CTNNA2: variants seen among roughly 807,000 people sequenced by gnomAD.
CTNNA2 encodes catenin alpha 2, also known as catenin alpha-2.
CTNNA2 carries 42 observed loss-of-function variants against 101.0 expected under a neutral mutation model. The observed-to-expected ratio is 0.42, with a 90% confidence interval of 0.32 to 0.54. The LOEUF (loss-of-function observed/expected upper bound fraction) is 0.54, where lower values mean the gene tolerates loss of function less well. Among genes scored for constraint, CTNNA2 ranks in the 20% least tolerant of loss-of-function variants. The pLI is 0.14. For missense variants in CTNNA2, 871 were observed against 1,223.1 expected (o/e 0.71, Z 4.29); for synonymous variants, 450 against 456.4 (o/e 0.99, Z 0.18).
chr2:80,378,926 G>A (rs1676246299), intron 7 of CTNNA2: 2 of 151,332 alleles, frequency 1.3e-5, no homozygotes, highest in Non-Finnish European at 2.9e-5. Flanking sequence ...TAGGCTCTGG[G>A]GTCAGGGAGA....
chr2:80,153,817 A>G, intron 7 of CTNNA2, among the ~76,000 whole-genome samples: 1 of 152,370 alleles, frequency 6.6e-6, no homozygotes, highest in African/African-American at 2.4e-5. Context: ...TGAGATGTAC[A>G]GAGCATTGGA....
intron 1 of CTNNA2, among the ~76,000 whole-genome samples, chr2:79,192,587 A>G (rs1408142606): frequency 2.0e-5 from 3 of 152,210 alleles, no homozygotes; most frequent in African/African-American, 7.2e-5. Context: ...TGAGATAGCA[A>G]AATATAAGAC....
chr2:79,538,738 G>A (rs953982392), intron 1 of CTNNA2, among the ~76,000 whole-genome samples: 6 of 152,146 alleles, frequency 3.9e-5, no homozygotes, highest in African/African-American at 1.4e-4. Flanking sequence ...AGAAGGCTGG[G>A]AACAGATTTT....
intron 9 of CTNNA2, among the ~76,000 whole-genome samples, chr2:80,510,936 T>C (rs940735746): frequency 3.3e-5 from 5 of 149,892 alleles, no homozygotes; most frequent in Non-Finnish European, 5.9e-5. Context: ...GACTCTGCTC[T>C]TTGTTATTTA....
At chr2:79,718,824 G>GTT (rs759268135) in intron 2 of CTNNA2, among the ~76,000 whole-genome samples, 6,562 of 140,182 alleles carry the variant, frequency 0.047, 169 homozygotes, top group South Asian at 0.094. Context: ...TTTCCCACTT[G>GTT]TTTTTTTTTT....
chr2:80,272,337 T>C (rs1226179114), intron 7 of CTNNA2, among the ~76,000 whole-genome samples: 1 of 152,244 alleles, frequency 6.6e-6, no homozygotes, highest in Non-Finnish European at 1.5e-5. Flanking sequence ...CCGTTCCATC[T>C]GTTAGCCAAA....
At chr2:80,214,618 C>G (rs998117447) in intron 7 of CTNNA2, among the ~76,000 whole-genome samples, 8 of 152,114 alleles carry the variant, frequency 5.3e-5, no homozygotes, top group African/African-American at 1.9e-4. Flanking sequence ...GTGGGTAACC[C>G]GACCTCTCTC....
chr2:79,259,599 T>C (rs1396372092), intron 2 of CTNNA2, among the ~76,000 whole-genome samples: 3 of 152,068 alleles, frequency 2.0e-5, no homozygotes, highest in Non-Finnish European at 4.4e-5. Flanking sequence ...CTGCAGGAGA[T>C]AGGGTACAGG....
chr2:79,894,779 T>G (rs953521383), intron 6 of CTNNA2, among the ~76,000 whole-genome samples: 1 of 152,228 alleles, frequency 6.6e-6, no homozygotes, highest in Non-Finnish European at 1.5e-5. Context: ...ATTGTTCTGT[T>G]TTTTGTTTCT....
chr2:79,570,484 G>C (rs1189235068), intron 1 of CTNNA2, among the ~76,000 whole-genome samples: 2 of 151,934 alleles, frequency 1.3e-5, no homozygotes, highest in African/African-American at 4.8e-5. Context: ...TTTAGATAAG[G>C]GAATTAAGAA....
chr2:80,079,685 G>A (rs1377686683), intron 7 of CTNNA2, among the ~76,000 whole-genome samples: 1 of 151,750 alleles, frequency 6.6e-6, no homozygotes, highest in Non-Finnish European at 1.5e-5. Flanking sequence ...GTGGTGGCGG[G>A]CGCCTGTAGT....
chr2:79,585,841 T>A (rs2103941132), intron 1 of CTNNA2, among the ~76,000 whole-genome samples: 1 of 151,922 alleles, frequency 6.6e-6, no homozygotes, highest in Non-Finnish European at 1.5e-5. Context: ...TTTCCAAGAG[T>A]GCTAGCTCAT....
intron 7 of CTNNA2, among the ~76,000 whole-genome samples, chr2:79,960,706 G>A (rs1365340733): frequency 6.6e-6 from 1 of 151,838 alleles, no homozygotes; most frequent in Non-Finnish European, 1.5e-5. Context: ...TCTTCTTGTT[G>A]TATTGCAGGG....
At chr2:79,287,946 C>T (rs186549288) in intron 2 of CTNNA2, among the ~76,000 whole-genome samples, 1 of 152,340 alleles carries the variant, frequency 6.6e-6, no homozygotes, top group East Asian at 1.9e-4. Context: ...GATATAATCT[C>T]CTGATGCGCT....
chr2:80,596,007 T>G (rs564529842), intron 15 of CTNNA2, among the ~76,000 whole-genome samples: 21 of 152,264 alleles, frequency 1.4e-4, no homozygotes, highest in African/African-American at 5.1e-4. Context: ...ATGGAATGTT[T>G]TTCCATTTGT....
chr2:79,769,083 C>CTGACTTCG (rs1228378496), intron 3 of CTNNA2, among the ~76,000 whole-genome samples: 1 of 152,152 alleles, frequency 6.6e-6, no homozygotes, highest in African/African-American at 2.4e-5. Flanking sequence ...TCTCGATCTC[C>CTGACTTCG]TGACCTCGTG....
At chr2:80,148,291 A>G (rs1280382417) in intron 7 of CTNNA2, among the ~76,000 whole-genome samples, 1 of 152,252 alleles carries the variant, frequency 6.6e-6, no homozygotes, top group Non-Finnish European at 1.5e-5. Flanking sequence ...TAGCATCAGC[A>G]GCAAAGACTG....
chr2:79,467,560 C>A (rs1670952803), intron 4 of CTNNA2, among the ~76,000 whole-genome samples: 1 of 152,082 alleles, frequency 6.6e-6, no homozygotes, highest in Admixed American at 6.5e-5. Flanking sequence ...AGAGCAACTC[C>A]AAGACACATA....
intron 7 of CTNNA2, among the ~76,000 whole-genome samples, chr2:79,917,422 A>G (rs569441255): frequency 4.6e-5 from 7 of 152,266 alleles, no homozygotes; most frequent in African/African-American, 1.7e-4. Flanking sequence ...GAGTACAGCT[A>G]TGTTACCAAT....
Sources: gnomAD v4.1 joint callset for allele counts (sites outside exome capture counted in the v4.1 genomes callset) on GRCh38, gnomAD v4.1.1 for gene constraint, MANE v1.5 for transcripts, NCBI Gene and HGNC (gene_info 2026-07-23, HGNC 2026-07-21) for gene names.